ATP6V1C2: variants seen among roughly 807,000 people sequenced by gnomAD.
ATP6V1C2 encodes the protein ATPase H+ transporting V1 subunit C2.
ATP6V1C2 carries 45 observed loss-of-function variants against 56.8 expected under a neutral mutation model. That is an observed-to-expected ratio of 0.79 (90% CI 0.62 to 1.02). The LOEUF is 1.02. Ranked by LOEUF, ATP6V1C2 falls within the 50% of genes least tolerant of loss-of-function variation. The pLI is 0.00. For synonymous variants in ATP6V1C2, 220 were observed against 201.3 expected (o/e 1.09, Z -0.79); for missense variants, 463 against 519.7 (o/e 0.89, Z 1.06).
intron 3 of ATP6V1C2, among the ~76,000 whole-genome samples, chr2:10,728,924 G>A (rs916952498): frequency 1.3e-5 from 2 of 149,126 alleles, no homozygotes; most frequent in East Asian, 2.0e-4. Context: ...GGATCACGAG[G>A]TGAAGAGCTT....
rs756508023 is a variant in ATP6V1C2 at position 10,722,952 on chromosome 2, A to G, written c.103A>G (p.Thr35Ala). The G allele has an allele frequency of 2.4e-5, 38 of 1,613,936 alleles. No individual in the cohort carries two copies. Among genetic ancestry groups the G allele is most frequent in the Non-Finnish European group, 2.9e-5 (34 of 1,180,004 alleles). Residue 35 changes from threonine to alanine, a missense_variant, in exon 2 of 14, where the codon ACC becomes GCC. Thr to Ala is a moderately conservative substitution (Grantham distance 58). Coordinates refer to ENST00000272238, the MANE Select transcript of ATP6V1C2 (RefSeq NM_001039362.2). ...VTSKSNLSYN[T>A]KFAIPDFKVG... ...CTCCAAGTCCAACCTGTCTTATAAT[A>G]CCAAATTCGCTATTCCTGACTTCAA...
intron 4 of ATP6V1C2, among the ~76,000 whole-genome samples, chr2:10,761,751 CCTT>C (rs1233518114): frequency 6.6e-6 from 1 of 152,208 alleles, no homozygotes; most frequent in Non-Finnish European, 1.5e-5. Flanking sequence ...CTCTGCTGTC[CCTT>C]CTTATATGGC....
chr2:10,783,154 T>A lies in ATP6V1C2; in HGVS notation c.1195-20T>A, dbSNP rs1283639022. The A allele has an allele frequency of 1.9e-6, 3 of 1,591,570 alleles. No individual in the cohort carries two copies. Among genetic ancestry groups the A allele is most frequent in the Non-Finnish European group, 2.6e-6 (3 of 1,159,770 alleles). Reference sequence around the variant, plus strand: ...AAACTAGTTTATGCACTTAGAGCATTACCATGTCTTCTTTTGTAGGCATCT... The same window carrying A: ...AAACTAGTTTATGCACTTAGAGCATAACCATGTCTTCTTTTGTAGGCATCT... On this transcript the variant is annotated intron_variant, in intron 13 of 13. Transcript: ENST00000272238.
At chr2:10,741,240 G>A (rs1027575848) in intron 3 of ATP6V1C2, among the ~76,000 whole-genome samples, 3 of 152,248 alleles carry the variant, frequency 2.0e-5, no homozygotes, top group African/African-American at 7.2e-5. Flanking sequence ...TCCCCAGGGG[G>A]AGCCTCCTAG....
rs1158609677 is a variant in ATP6V1C2 at position 10,774,890 on chromosome 2, C to T, written c.731+10C>T. 6.2e-7 allele frequency: 1 copy of T among 1,613,912 alleles called. No individual in the cohort carries two copies. The highest frequency in any genetic ancestry group is 8.5e-7 in the Non-Finnish European group (1 of 1,179,858). On this transcript the variant is annotated intron_variant, in intron 9 of 13. Coordinates refer to ENST00000272238, the MANE Select transcript of ATP6V1C2 (RefSeq NM_001039362.2). ...AGGCCAAAGAAAACAAGTAAGGGTC[C>T]TCCAGGTTTGGTTCATCTCCCGCTG...
chr2:10,778,748 C>T (rs1665160124), intron 12 of ATP6V1C2, 79 bp downstream of exon 12: 20 of 1,339,202 alleles, frequency 1.5e-5, no homozygotes, highest in Non-Finnish European at 2.1e-5. Context: ...CACCCCAGCT[C>T]CTGCCTTCTC....
rs757528831 is a variant in ATP6V1C2, at chr2:10,771,945, C to T, written c.569+8C>T. The T allele has an allele frequency of 6.2e-7, 1 of 1,612,204 alleles. No homozygotes were observed. Among genetic ancestry groups the T allele is most frequent in the South Asian group, 1.1e-5 (1 of 91,018 alleles). ...TCTGGTCATCGTCCCCAAGTGAGTG[C>T]TGGGCGATCACGAAGGAAACCGGCC... On this transcript the variant is annotated splice_region_variant and intron_variant, in intron 7 of 13. Transcript: ENST00000272238.
In ATP6V1C2 at chr2:10,754,077, C is replaced by T. The variant is rs369574016; in HGVS notation, c.283+11C>T. On this transcript the variant is annotated intron_variant, in intron 4 of 13. Transcript: ENST00000272238. ...TCCTGGCAAACGGAGGTAGGTAGGG[C>T]GGCCCTCTGATGTGGAGCACAATCT... 3,335 of 1,588,588 alleles carry T rather than the reference C, an allele frequency of 2.1e-3. 84 individuals are homozygous for T. In the South Asian group the frequency reaches 0.035, roughly 17 times the overall value.
chr2:10,736,201 A>G (rs1344859382), intron 3 of ATP6V1C2, among the ~76,000 whole-genome samples: 4 of 152,148 alleles, frequency 2.6e-5, no homozygotes, highest in African/African-American at 9.7e-5. Context: ...GGGCCCTGCC[A>G]CTGTGCTTTG....
intron 3 of ATP6V1C2, among the ~76,000 whole-genome samples, chr2:10,739,404 C>T (rs1263573755): frequency 6.6e-6 from 1 of 152,090 alleles, no homozygotes; most frequent in Admixed American, 6.5e-5. Context: ...CTTCCAGACC[C>T]CTAGCTTCCT....
chr2:10,771,324 C>T (rs1006513944), intron 6 of ATP6V1C2, among the ~76,000 whole-genome samples: 1 of 152,362 alleles, frequency 6.6e-6, no homozygotes, highest in Admixed American at 6.5e-5. Context: ...ATACCCTACA[C>T]TCAGACCAGG....
intron 8 of ATP6V1C2, among the ~76,000 whole-genome samples, chr2:10,773,255 G>A (rs1664746971): frequency 3.3e-5 from 5 of 151,992 alleles, no homozygotes; most frequent in Admixed American, 3.3e-4. Context: ...TGTGGGGATG[G>A]GTCACGGGCA....
chr2:10,777,502 G>T, intron 10 of ATP6V1C2, 83 bp from the exon 11 acceptor site: 1 of 1,540,296 alleles, frequency 6.5e-7, no homozygotes, highest in Non-Finnish European at 8.8e-7. Flanking sequence ...TTGCTCTCGC[G>T]TGCCTTTCAG....
In ATP6V1C2 at chr2:10,782,368, T is replaced by C. The variant is rs766684706; in HGVS notation, c.1187T>C (p.Ile396Thr). 6 of 1,614,168 alleles carry C rather than the reference T, an allele frequency of 3.7e-6. No homozygotes were observed. Among genetic ancestry groups the C allele is most frequent in the Non-Finnish European group, 5.1e-6 (6 of 1,180,028 alleles). The change falls in exon 13 of 14, where the codon ATA becomes ACA. Residue 396 changes from isoleucine (I) to threonine (T), a missense_variant. Ile to Thr is a moderately conservative substitution (Grantham distance 89). Coordinates refer to ENST00000272238, the MANE Select transcript of ATP6V1C2 (RefSeq NM_001039362.2). ...CTGGATGAAGTAGCCGCTACAAGTA[T>C]ACTGGATGTAGGTATCCAGAAACAG... ...RHLDEVAATSILDASVEIPGL... is the reference protein window; with the variant it reads ...RHLDEVAATSTLDASVEIPGL...
intron 6 of ATP6V1C2, among the ~76,000 whole-genome samples, chr2:10,770,346 C>T (rs894416834): frequency 3.3e-5 from 5 of 152,130 alleles, no homozygotes; most frequent in Middle Eastern, 3.4e-3. Context: ...TGCAGTGAGC[C>T]GAGATCACGC....
chr2:10,780,806 C>T lies in ATP6V1C2; in HGVS notation c.1062-1437C>T. On this transcript the variant is annotated intron_variant, in intron 12 of 13. Coordinates refer to ENST00000272238, the MANE Select transcript of ATP6V1C2 (RefSeq NM_001039362.2). The surrounding 1 kb of genome is among the most constrained non-coding windows in gnomAD (Gnocchi z 4.1). Reference sequence around the variant, plus strand: ...TCGCCTAGGCTGGAGTGCAGTGGCACAATCTCAGCTCACTGCGACCTCCAC... The same window carrying T: ...TCGCCTAGGCTGGAGTGCAGTGGCATAATCTCAGCTCACTGCGACCTCCAC... 6.6e-6 allele frequency among the ~76,000 whole-genome samples: 1 copy of T among 151,520 alleles called. No homozygotes were observed. The highest frequency in any genetic ancestry group is 1.9e-4 in the East Asian group (1 of 5,158).
At chr2:10,724,967 A>AT (rs970857027) in intron 2 of ATP6V1C2, among the ~76,000 whole-genome samples, 22 of 149,460 alleles carry the variant, frequency 1.5e-4, no homozygotes, top group East Asian at 5.9e-4. Context: ...ATTTTTCTTA[A>AT]TTTTTTTTTT....
intron 6 of ATP6V1C2, among the ~76,000 whole-genome samples, chr2:10,771,154 T>A (rs1437642055): frequency 2.0e-5 from 3 of 152,202 alleles, no homozygotes; most frequent in African/African-American, 7.2e-5. Context: ...TCCCATTGCC[T>A]TTAAAGCTTT....
At chr2:10,756,965 A>T (rs1188622193) in intron 4 of ATP6V1C2, among the ~76,000 whole-genome samples, 17 of 148,664 alleles carry the variant, frequency 1.1e-4, no homozygotes, top group Non-Finnish European at 2.1e-4. Context: ...TAAATATAAC[A>T]TATATTTATA....
Sources: gnomAD v4.1 joint callset for allele counts (sites outside exome capture counted in the v4.1 genomes callset) on GRCh38, gnomAD v4.1.1 for gene constraint, Gnocchi (gnomAD v3.1) non-coding constraint, MANE v1.5 for transcripts, NCBI Gene and HGNC (gene_info 2026-07-23, HGNC 2026-07-21) for gene names.